Variants in GRB2 observed in about 807,000 individuals in gnomAD.
GRB2 encodes the protein growth factor receptor bound protein 2.
Under a neutral mutation model 27.4 loss-of-function variants are expected in GRB2, and 2 were observed. The ratio of observed to expected loss-of-function variants is 0.07; its 90% CI spans 0.03 to 0.23. GRB2 has a LOEUF of 0.23. Among genes scored for constraint, GRB2 ranks in the 10% least tolerant of loss-of-function variants. The probability of loss-of-function intolerance (pLI) is 1.00; values close to 1 mark genes in which losing one functional copy is unlikely to be tolerated. For missense variants in GRB2, 102 were observed against 282.4 expected (o/e 0.36, Z 4.58); for synonymous variants, 94 against 99.6 (o/e 0.94, Z 0.33).
intron 2 of GRB2, chr17:75,371,046 A>T (rs2078851959): frequency 6.6e-6 from 1 of 152,346 alleles, no homozygotes; most frequent in African/African-American, 2.4e-5. Context: ...GTGGTGGCCC[A>T]TGCCTGTAAT....
At chr17:75,336,689 T>C (rs1199684446) in intron 2 of GRB2, among the ~76,000 whole-genome samples, 1 of 152,148 alleles carries the variant, frequency 6.6e-6, no homozygotes, top group Non-Finnish European at 1.5e-5. Context: ...AGTATGTTTT[T>C]CTCCCCCAGA....
At chr17:75,327,820 C>A (rs968194411) in intron 3 of GRB2, among the ~76,000 whole-genome samples, 1 of 152,118 alleles carries the variant, frequency 6.6e-6, no homozygotes, top group African/African-American at 2.4e-5. Context: ...TGTGTGTCAG[C>A]CTCTAGGGAC....
intron 2 of GRB2, among the ~76,000 whole-genome samples, chr17:75,346,607 A>T (rs1298901224): frequency 9.0e-6 from 1 of 111,690 alleles, no homozygotes; most frequent in Non-Finnish European, 1.7e-5. Context: ...TTTTTGAGAC[A>T]GAGTCACACT....
intron 1 of GRB2, among the ~76,000 whole-genome samples, chr17:75,401,732 T>C (rs7208112): frequency 0.11 from 17,286 of 152,210 alleles, 1,617 homozygotes; most frequent in African/African-American, 0.26. Context: ...ATGGGAATAA[T>C]AACAGCCAAC....
chr17:75,321,563 C>T (rs12946365), intron 5 of GRB2, 96 bp downstream of exon 5: 822,501 of 1,135,728 alleles, frequency 0.72, 308,912 homozygotes, highest in East Asian at 0.9. Context: ...GAAGGGCGCC[C>T]GCATGTTGAG....
chr17:75,387,058 G>C (rs1056776884), intron 2 of GRB2, among the ~76,000 whole-genome samples: 2 of 151,846 alleles, frequency 1.3e-5, no homozygotes, highest in Non-Finnish European at 2.9e-5. Flanking sequence ...CTAATCGGGA[G>C]GCTGAGGTAG....
intron 2 of GRB2, among the ~76,000 whole-genome samples, chr17:75,354,277 G>GGGGGA (rs1208795584): frequency 9.1e-6 from 1 of 110,192 alleles, no homozygotes; most frequent in African/African-American, 3.4e-5. Context: ...GGGGGGGGGG[G>GGGGGA]AGATGGAGTT....
chr17:75,320,238 G>C lies in GRB2; in HGVS notation c.*130C>G, dbSNP rs2078449220. 4 of 719,764 alleles carry C rather than the reference G, an allele frequency of 5.6e-6. No homozygotes were observed. The highest frequency in any genetic ancestry group is 9.3e-6 in the Non-Finnish European group (4 of 430,194). The allele number at this position is 719,764 out of a possible 1,614,324, so 44.6% of individuals were successfully genotyped here. ...CCCTAAAGTTCCAACCAAAGTGAGA[G>C]GGTCACAGGGTGACCCGGCCAGGTG... On this transcript the variant is annotated 3_prime_UTR_variant, in exon 6 of 6. Transcript: ENST00000316804. This position sits in a 1 kb window ranked among gnomAD's most constrained non-coding sequence, Gnocchi z 4.3.
intron 2 of GRB2, among the ~76,000 whole-genome samples, chr17:75,381,736 A>AAAAAAAAAAAG (rs1567873177): frequency 4.0e-4 from 43 of 106,434 alleles, no homozygotes; most frequent in Non-Finnish European, 6.7e-4. Context: ...AAAAAAAAAG[A>AAAAAAAAAAAG]AAAAAAAAAA....
At chr17:75,367,227 G>A (rs1013493703) in intron 2 of GRB2, among the ~76,000 whole-genome samples, 2 of 152,074 alleles carry the variant, frequency 1.3e-5, no homozygotes, top group African/African-American at 4.8e-5. Context: ...CTAAAGTGCT[G>A]TAGCGTGATT....
intron 2 of GRB2, among the ~76,000 whole-genome samples, chr17:75,339,542 A>C (rs1490162215): frequency 2.0e-5 from 3 of 151,854 alleles, no homozygotes; most frequent in African/African-American, 7.3e-5. Context: ...TGTTTATCTC[A>C]CATTTCCTGA....
chr17:75,390,355 G>C (rs139759851), intron 2 of GRB2, among the ~76,000 whole-genome samples: 118 of 152,282 alleles, frequency 7.7e-4, no homozygotes, highest in Non-Finnish European at 1.5e-3. Flanking sequence ...GCAACTCCTA[G>C]GTAAGTTTTA....
At chr17:75,381,353 A>T (rs2078926310) in intron 2 of GRB2, among the ~76,000 whole-genome samples, 1 of 152,172 alleles carries the variant, frequency 6.6e-6, no homozygotes, top group South Asian at 2.1e-4. Context: ...TGTTACAGTG[A>T]AGTGGAAATA....
intron 3 of GRB2, chr17:75,326,459 G>T (rs953045238): frequency 3.0e-5 from 5 of 166,396 alleles, no homozygotes; most frequent in Non-Finnish European, 6.6e-5. Context: ...GGGACTAAGG[G>T]AAAGTGGGGA....
At chr17:75,351,749 C>T (rs1374942703) in intron 2 of GRB2, among the ~76,000 whole-genome samples, 2 of 152,096 alleles carry the variant, frequency 1.3e-5, no homozygotes, top group African/African-American at 2.4e-5. Flanking sequence ...GGAATGATCC[C>T]ATTCTTCGAG....
chr17:75,358,331 G>GTT (rs1050555682), intron 2 of GRB2, among the ~76,000 whole-genome samples: 8 of 152,104 alleles, frequency 5.3e-5, no homozygotes, highest in African/African-American at 1.9e-4. Flanking sequence ...TTTGACTAGA[G>GTT]TTTTAAAACT....
intron 2 of GRB2, among the ~76,000 whole-genome samples, chr17:75,369,843 G>GAGCA (rs2078844416): frequency 7.3e-6 from 1 of 137,780 alleles, no homozygotes; most frequent in Non-Finnish European, 1.6e-5. Context: ...CTGGGCAACA[G>GAGCA]AGACTCCGTC....
At chr17:75,379,070 C>A (rs1375792835) in intron 2 of GRB2, among the ~76,000 whole-genome samples, 2 of 152,090 alleles carry the variant, frequency 1.3e-5, no homozygotes, top group African/African-American at 4.8e-5. Context: ...AGATGAAGTA[C>A]CTGCTTACTT....
intron 2 of GRB2, among the ~76,000 whole-genome samples, chr17:75,337,026 T>C (rs8077014): frequency 1 from 152,354 of 152,358 alleles, 76,175 homozygotes; most frequent in Middle Eastern, 1. Context: ...GCGTGAGCCA[T>C]CATGCTGGCC....
Sources: gnomAD v4.1 joint callset for allele counts (sites outside exome capture counted in the v4.1 genomes callset) on GRCh38, gnomAD v4.1.1 for gene constraint, Gnocchi (gnomAD v3.1) non-coding constraint, MANE v1.5 for transcripts, NCBI Gene and HGNC (gene_info 2026-07-23, HGNC 2026-07-21) for gene names.